The following LDLRAD4 variants were observed in gnomAD, a reference collection of about 807,000 sequenced individuals.
LDLRAD4 encodes the protein low-density lipoprotein receptor class A domain-containing protein 4.
Under a neutral mutation model 17.0 loss-of-function variants are expected in LDLRAD4, and 5 were observed. The observed-to-expected ratio is 0.29, with a 90% CI of 0.15 to 0.62. LDLRAD4 has a LOEUF of 0.62. LDLRAD4 is among the 20% of genes least tolerant of loss of function. LDLRAD4 has a pLI of 0.84. For synonymous variants in LDLRAD4, 168 were observed against 171.8 expected (o/e 0.98, Z 0.17); for missense variants, 340 against 424.7 (o/e 0.80, Z 1.75).
chr18:13,373,004 C>T (rs772204002), intron 1 of LDLRAD4, among the ~76,000 whole-genome samples: 13 of 152,206 alleles, frequency 8.5e-5, no homozygotes, highest in Non-Finnish European at 1.8e-4. Flanking sequence ...ATATCAACAA[C>T]GGATTTTCTG....
chr18:13,413,311 A>C (rs1248559582), intron 2 of LDLRAD4, among the ~76,000 whole-genome samples: 1 of 152,222 alleles, frequency 6.6e-6, no homozygotes, highest in Non-Finnish European at 1.5e-5. Flanking sequence ...TTCACTACTC[A>C]CTGACATGTA....
intron 3 of LDLRAD4, among the ~76,000 whole-genome samples, chr18:13,582,852 A>G (rs1363244643): frequency 1.3e-5 from 2 of 152,218 alleles, no homozygotes; most frequent in African/African-American, 2.4e-5. Context: ...AGCTAGGACT[A>G]TAGGTGCATG....
intron 3 of LDLRAD4, among the ~76,000 whole-genome samples, chr18:13,482,475 CAG>C (rs1423728391): frequency 6.6e-6 from 1 of 152,228 alleles, no homozygotes; most frequent in Non-Finnish European, 1.5e-5. Flanking sequence ...AGCAATGAGA[CAG>C]GGTGATTTAT....
intron 2 of LDLRAD4, among the ~76,000 whole-genome samples, chr18:13,412,874 G>C (rs754955834): frequency 6.6e-6 from 1 of 152,200 alleles, no homozygotes; most frequent in Non-Finnish European, 1.5e-5. Context: ...GCTCCCAGCA[G>C]CTTCTCAAAT....
chr18:13,478,961 A>G (rs575701167), intron 3 of LDLRAD4, among the ~76,000 whole-genome samples: 1 of 152,368 alleles, frequency 6.6e-6, no homozygotes, highest in Admixed American at 6.5e-5. Context: ...CCAGAAGCAG[A>G]TCCACATAAA....
At position 13,383,599 on chromosome 18, in the gene LDLRAD4, G is replaced by A. The variant is rs566768090; in HGVS notation, c.-382-3742G>A. On this transcript the variant is annotated intron_variant, in intron 1 of 5. Transcript: ENST00000359446. ...GCTCCTCCAACTTTTACCCTTCCAC[G>A]TGTTTGCTCCACAGATGCCCAGCAT... Among the ~76,000 whole-genome samples the A allele has an allele frequency of 5.3e-5, 8 of 152,324 alleles. No individual in the cohort carries two copies. The East Asian group carries it at 1.2e-3, about 22-fold the overall frequency.
At chr18:13,413,315 A>G (rs1028633303) in intron 2 of LDLRAD4, among the ~76,000 whole-genome samples, 10 of 152,234 alleles carry the variant, frequency 6.6e-5, no homozygotes, top group African/African-American at 2.4e-4. Flanking sequence ...CTACTCACTG[A>G]CATGTAATTG....
chr18:13,459,371 G>GTT (rs71366053), intron 3 of LDLRAD4, among the ~76,000 whole-genome samples: 68,174 of 148,018 alleles, frequency 0.46, 16,109 homozygotes, highest in South Asian at 0.54. Context: ...AACATTTGGT[G>GTT]TTTTTTTTTT....
chr18:13,608,727 C>T (rs2095248284), intron 3 of LDLRAD4, among the ~76,000 whole-genome samples: 1 of 152,186 alleles, frequency 6.6e-6, no homozygotes, highest in Non-Finnish European at 1.5e-5. Context: ...AAGCAACTAC[C>T]TGCAGATGGA....
chr18:13,556,777 G>A (rs938981024), intron 3 of LDLRAD4, among the ~76,000 whole-genome samples: 3 of 152,210 alleles, frequency 2.0e-5, no homozygotes, highest in Admixed American at 2.0e-4. Flanking sequence ...TCATATCAAG[G>A]GTATGTAGTT....
chr18:13,568,241 C>T (rs2094634120), intron 3 of LDLRAD4, among the ~76,000 whole-genome samples: 2 of 151,710 alleles, frequency 1.3e-5, no homozygotes, highest in Admixed American at 1.3e-4. Flanking sequence ...TTGCAGTGAG[C>T]CAAGATCATG....
chr18:13,511,425 T>G (rs1172407480), intron 3 of LDLRAD4, among the ~76,000 whole-genome samples: 2 of 152,084 alleles, frequency 1.3e-5, no homozygotes, highest in Non-Finnish European at 1.5e-5. Context: ...GGCAGGAGAA[T>G]TGCTCAAAGC....
At chr18:13,593,860 T>C (rs1214620270) in intron 3 of LDLRAD4, among the ~76,000 whole-genome samples, 2 of 152,142 alleles carry the variant, frequency 1.3e-5, no homozygotes, top group African/African-American at 2.4e-5. Flanking sequence ...ACAAGTGTGA[T>C]CATAGCACAC....
intron 2 of LDLRAD4, among the ~76,000 whole-genome samples, chr18:13,404,791 C>G (rs1448434804): frequency 3.3e-5 from 5 of 150,530 alleles, no homozygotes; most frequent in Non-Finnish European, 7.4e-5. Context: ...GAGCGAAACT[C>G]CGTCTCAAAA....
chr18:13,343,913 A>G (rs576307296), intron 1 of LDLRAD4, among the ~76,000 whole-genome samples: 7 of 152,102 alleles, frequency 4.6e-5, no homozygotes, highest in African/African-American at 1.4e-4. Context: ...TCCTTCACCC[A>G]CTTTTTGATG....
intron 1 of LDLRAD4, among the ~76,000 whole-genome samples, chr18:13,301,065 C>G (rs62097353): frequency 0.014 from 2,113 of 150,788 alleles, 27 homozygotes; most frequent in Admixed American, 0.03. Flanking sequence ...GGAGGCCGAA[C>G]TGGCCGGGGT....
At chr18:13,264,254 C>A (rs978992847) in intron 1 of LDLRAD4, among the ~76,000 whole-genome samples, 2 of 152,194 alleles carry the variant, frequency 1.3e-5, no homozygotes, top group African/African-American at 2.4e-5. Flanking sequence ...CCCTGCCAGG[C>A]GGCTGCTTTA....
intron 4 of LDLRAD4, among the ~76,000 whole-genome samples, chr18:13,626,877 C>T (rs2041217729): frequency 6.6e-6 from 1 of 152,246 alleles, no homozygotes; most frequent in Non-Finnish European, 1.5e-5. Context: ...GTGAGCTCTC[C>T]CCACAAGTCC....
At chr18:13,408,673 A>G (rs1600047158) in intron 2 of LDLRAD4, among the ~76,000 whole-genome samples, 1 of 151,896 alleles carries the variant, frequency 6.6e-6, no homozygotes, top group African/African-American at 2.4e-5. Flanking sequence ...GGGTTTCACC[A>G]TCTTGGCCAG....
Sources: gnomAD v4.1 joint callset for allele counts (sites outside exome capture counted in the v4.1 genomes callset) on GRCh38, gnomAD v4.1.1 for gene constraint, MANE v1.5 for transcripts, NCBI Gene and HGNC (gene_info 2026-07-23, HGNC 2026-07-21) for gene names.